The following STK38L variants were observed in gnomAD, a reference collection of about 807,000 sequenced individuals.
STK38L encodes serine/threonine-protein kinase 38-like.
STK38L carries 28 observed loss-of-function variants against 59.7 expected under a neutral mutation model. The observed-to-expected ratio is 0.47, with a 90% CI of 0.35 to 0.64. The LOEUF is 0.64. Ranked by LOEUF, STK38L falls within the 30% of genes least tolerant of loss-of-function variation. The probability of loss-of-function intolerance (pLI) is 0.01; values close to 1 mark genes in which losing one functional copy is unlikely to be tolerated. For synonymous variants in STK38L, 162 were observed against 176.8 expected, an observed-to-expected ratio of 0.92 and a Z score of 0.66; for missense variants, 314 against 555.8, an observed-to-expected ratio of 0.56 and a Z score of 4.37.
intron 1 of STK38L, among the ~76,000 whole-genome samples, chr12:27,259,531 G>A (rs529896930): frequency 9.2e-5 from 14 of 152,240 alleles, no homozygotes; most frequent in East Asian, 3.9e-4. Flanking sequence ...TAAAATAGGC[G>A]TCATACCTAC....
intron 1 of STK38L, among the ~76,000 whole-genome samples, chr12:27,280,806 A>T (rs1165229592): frequency 6.6e-6 from 1 of 152,240 alleles, no homozygotes; most frequent in Non-Finnish European, 1.5e-5. Flanking sequence ...AATTGCATAG[A>T]TTTCCAACAG....
intron 1 of STK38L, among the ~76,000 whole-genome samples, chr12:27,281,475 T>C (rs900654622): frequency 1.3e-5 from 2 of 152,226 alleles, no homozygotes; most frequent in African/African-American, 4.8e-5. Flanking sequence ...TTCACATCCC[T>C]GCTCTGACGT....
chr12:27,325,197 C>A lies in STK38L; in HGVS notation c.*2742C>A, dbSNP rs532567970. The A allele has an allele frequency of 5.3e-5, 8 of 152,052 alleles. No individual in the cohort carries two copies. The highest frequency in any genetic ancestry group is 1.2e-4 in the African/African-American group (5 of 41,498). 9.4% of individuals were successfully genotyped at this position (152,052 alleles called of 1,614,324 possible). A position where few individuals can be genotyped will look rare whatever the true frequency, so the allele number is the denominator to read the frequency against. On this transcript the variant is annotated 3_prime_UTR_variant, in exon 14 of 14. Transcript: ENST00000389032. ...TGAAAATAAGGAATTGCTTATAAAC[C>A]AGCCACTTCTGAATACAATATGTAG...
chr12:27,245,810 A>G (rs1942838416), intron 1 of STK38L: 1 of 152,190 alleles, frequency 6.6e-6, no homozygotes. Context: ...GGTAGGTACA[A>G]TGAATTAAAA....
intron 1 of STK38L, among the ~76,000 whole-genome samples, chr12:27,249,990 C>T (rs554293433): frequency 2.6e-4 from 39 of 152,186 alleles, no homozygotes; most frequent in Admixed American, 2.6e-3. Context: ...TGTTTAACAC[C>T]TCAAATCAGC....
At chr12:27,290,830 C>T (rs932814077) in intron 1 of STK38L, among the ~76,000 whole-genome samples, 2 of 152,168 alleles carry the variant, frequency 1.3e-5, no homozygotes, top group African/African-American at 2.4e-5. Flanking sequence ...TCAGACTTTT[C>T]AGGAGAAACC....
intron 1 of STK38L, among the ~76,000 whole-genome samples, chr12:27,279,586 C>T (rs1171470179): frequency 1.3e-5 from 2 of 150,260 alleles, no homozygotes; most frequent in Non-Finnish European, 1.5e-5. Flanking sequence ...ATTAGCCGGG[C>T]GTGGTGGTGG....
chr12:27,317,988 A>G lies in STK38L; in HGVS notation c.1048A>G (p.Ile350Val), dbSNP rs1264670263. The change falls in exon 11 of 14, where the codon ATA becomes GTA. Residue 350 changes from isoleucine (I) to valine (V), a missense_variant. This residue lies in a region of STK38L where 94 missense variants were observed against 142.2 expected (regional missense o/e 0.66). Transcript: ENST00000389032. ...ETLVFPPEVP[I>V]SEKAKDLILR... is the part of the protein sequence containing the mutation. ...TCTGGTATTTCCTCCAGAGGTACCT[A>G]TATCTGAGAAAGCCAAGGACTTAAT... 3 of 1,613,926 alleles carry G rather than the reference A, an allele frequency of 1.9e-6. No individual in the cohort carries two copies. The highest frequency in any genetic ancestry group is 2.2e-5 in the South Asian group (2 of 91,084).
rs370517533 is a variant in STK38L, at chr12:27,317,822, C to T, written c.956-74C>T. On this transcript the variant is annotated intron_variant, in intron 10 of 13. Coordinates refer to ENST00000389032, the MANE Select transcript of STK38L (RefSeq NM_015000.4). ...CACTCAGGGTTGTTTGGTTTCTTGTCGCACATGTTTGGTGGGTATAAACTT... is the reference window on the plus strand; with the variant it reads ...CACTCAGGGTTGTTTGGTTTCTTGTTGCACATGTTTGGTGGGTATAAACTT... 41 of 1,567,042 alleles carry T rather than the reference C, an allele frequency of 2.6e-5. 1 individual carries two copies. The highest frequency in any genetic ancestry group is 1.7e-4 in the Middle Eastern group (1 of 5,852).
At position 27,252,180 on chromosome 12, in the gene STK38L, C is replaced by T. The variant is rs536178076; in HGVS notation, c.-12+7848C>T. ...ATTTTTAGTAGAGATGGGGTTTCACCGTGTTAGCCAGGATGGTCTCAATCT... is the reference window on the plus strand; with the variant it reads ...ATTTTTAGTAGAGATGGGGTTTCACTGTGTTAGCCAGGATGGTCTCAATCT... On this transcript the variant is annotated intron_variant, in intron 1 of 13. Coordinates refer to ENST00000389032, the MANE Select transcript of STK38L (RefSeq NM_015000.4). Among the ~76,000 whole-genome samples the T allele has an allele frequency of 3.9e-5, 6 of 152,270 alleles. No homozygotes were observed. The East Asian group carries it at 7.7e-4, about 20-fold the overall frequency.
intron 1 of STK38L, among the ~76,000 whole-genome samples, chr12:27,259,173 G>A (rs2136608158): frequency 6.6e-6 from 1 of 152,262 alleles, no homozygotes; most frequent in Non-Finnish European, 1.5e-5. Context: ...TCTTCCGGCT[G>A]AATGATAAAC....
intron 12 of STK38L, among the ~76,000 whole-genome samples, chr12:27,320,539 G>T (rs1944702606): frequency 7.2e-6 from 1 of 139,250 alleles, no homozygotes; most frequent in Admixed American, 8.3e-5. Flanking sequence ...CGATCCACCT[G>T]CCTCGGCCTC....
At chr12:27,269,254 G>A (rs1256025550) in intron 1 of STK38L, among the ~76,000 whole-genome samples, 1 of 152,084 alleles carries the variant, frequency 6.6e-6, no homozygotes, top group Non-Finnish European at 1.5e-5. Flanking sequence ...TGGTTTTTAG[G>A]TCTAACATGT....
intron 10 of STK38L, 23 bp downstream of exon 10, chr12:27,317,476 G>C (rs758675950): frequency 6.6e-7 from 1 of 1,523,298 alleles, no homozygotes; most frequent in East Asian, 2.3e-5. Flanking sequence ...ATTCATTTAT[G>C]TACAAAATAT....
chr12:27,306,835 G>A (rs1006882043), intron 3 of STK38L, among the ~76,000 whole-genome samples: 9 of 151,804 alleles, frequency 5.9e-5, no homozygotes, highest in African/African-American at 2.2e-4. Flanking sequence ...CTGCCTCCCG[G>A]GTTCAAGTGA....
At chr12:27,314,047 G>T (rs952147401) in intron 6 of STK38L, among the ~76,000 whole-genome samples, 1 of 152,146 alleles carries the variant, frequency 6.6e-6, no homozygotes, top group African/African-American at 2.4e-5. Context: ...CTATGCAATA[G>T]CACTTTTATT....
At chr12:27,306,750 C>CACACACACACACACAT (rs1555141711) in intron 3 of STK38L, among the ~76,000 whole-genome samples, 2 of 147,158 alleles carry the variant, frequency 1.4e-5, no homozygotes, top group African/African-American at 2.5e-5. Flanking sequence ...CACACACACA[C>CACACACACACACACAT]ACATATATTT....
At chr12:27,276,884 G>A (rs902758663) in intron 1 of STK38L, among the ~76,000 whole-genome samples, 2 of 152,200 alleles carry the variant, frequency 1.3e-5, no homozygotes, top group Non-Finnish European at 2.9e-5. Context: ...GAGTGAAGAT[G>A]CCTTGGTAAT....
At chr12:27,306,414 C>G (rs1259415194) in intron 3 of STK38L, among the ~76,000 whole-genome samples, 1 of 151,828 alleles carries the variant, frequency 6.6e-6, no homozygotes, top group Non-Finnish European at 1.5e-5. Flanking sequence ...CACCAAGTGG[C>G]CTTTTAAAAA....
Sources: gnomAD v4.1 joint callset for allele counts (sites outside exome capture counted in the v4.1 genomes callset) on GRCh38, gnomAD v4.1.1 for gene constraint, gnomAD v4.1.1 regional missense constraint, MANE v1.5 for transcripts, NCBI Gene and HGNC (gene_info 2026-07-23, HGNC 2026-07-21) for gene names.